The following RAD54L2 variants were observed in gnomAD, a reference collection of about 807,000 sequenced individuals.
RAD54L2 encodes RAD54 like 2.
RAD54L2 carries 27 observed loss-of-function variants against 138.4 expected under a neutral mutation model. The observed-to-expected ratio is 0.20, with a 90% CI of 0.14 to 0.27. The LOEUF is 0.27. RAD54L2 is among the 10% of genes least tolerant of loss of function. The pLI, the probability that RAD54L2 is intolerant of heterozygous loss-of-function variation, is 1.00. For synonymous variants in RAD54L2, 644 were observed against 723.2 expected (o/e 0.89, Z 1.76); for missense variants, 1,396 against 1,890.2 (o/e 0.74, Z 4.85).
chr3:51,556,893 C>T (rs1042101129), intron 2 of RAD54L2, among the ~76,000 whole-genome samples: 8 of 151,892 alleles, frequency 5.3e-5, no homozygotes, highest in Non-Finnish European at 8.8e-5. Context: ...TCTCTTAATC[C>T]TTTGTTGTCT....
At chr3:51,635,361 A>G (rs770768332) in intron 9 of RAD54L2, among the ~76,000 whole-genome samples, 4 of 152,206 alleles carry the variant, frequency 2.6e-5, no homozygotes, top group Non-Finnish European at 5.9e-5. Flanking sequence ...TTTAACCACC[A>G]TCAATGATCC....
chr3:51,574,915 C>T (rs1373102330), intron 2 of RAD54L2, among the ~76,000 whole-genome samples: 2 of 152,166 alleles, frequency 1.3e-5, no homozygotes, highest in Non-Finnish European at 2.9e-5. Context: ...TCATGAAATC[C>T]TTGCCCATGC....
chr3:51,631,167 G>A (rs1240574423), intron 7 of RAD54L2, among the ~76,000 whole-genome samples: 1 of 152,180 alleles, frequency 6.6e-6, no homozygotes, highest in Non-Finnish European at 1.5e-5. Context: ...GCCCTACTCC[G>A]TAGAAAGCAC....
In RAD54L2 at chr3:51,656,074, G is replaced by A. The variant is rs894369801; in HGVS notation, c.3130G>A (p.Val1044Ile). Residue 1044 changes from valine to isoleucine, a missense_variant, in exon 20 of 23, where the codon GTA becomes ATA. Around this residue, in one of 7 missense-constraint regions of RAD54L2, gnomAD observed 634 missense variants for 711.2 expected, o/e 0.89. Transcript: ENST00000684192. ...CCGGCATGTCCCATTGGGAGGAAGT[G>A]TAAGCTCTGCCTCCAGCACAAATCC... ...MPRHVPLGGS[V>I]SSASSTNPSM... 2 of 1,614,002 alleles carry A rather than the reference G, an allele frequency of 1.2e-6. No homozygotes were observed. Among genetic ancestry groups the A allele is most frequent in the South Asian group, 2.2e-5 (2 of 91,086 alleles).
Position 51,630,896 on chromosome 3 carries a change from G to A in RAD54L2, c.790G>A (p.Ala264Thr), listed in dbSNP as rs781070262. 10 of 1,613,806 alleles carry A rather than the reference G, an allele frequency of 6.2e-6. No individual in the cohort carries two copies. Among genetic ancestry groups the A allele is most frequent in the Non-Finnish European group, 7.6e-6 (9 of 1,179,840 alleles). The change falls in exon 7 of 23, where the codon GCC (alanine) becomes ACC (threonine). Residue 264 changes from alanine (A) to threonine (T), a missense_variant. Physicochemically the swap from Ala to Thr is moderately conservative, Grantham distance 58. This residue lies in a region of RAD54L2 where 256 missense variants were observed against 344.6 expected (regional missense o/e 0.74). Transcript: ENST00000684192. ...TCCAGAGGAGGAAAATGTCTTCCTT[G>A]CCCCACAGTTGGCACGGGCTGTGAA... The part of the protein sequence containing the change: ...HPPEEENVFL[A>T]PQLARAVKPH...
chr3:51,603,164 C>T (rs1250331496), intron 3 of RAD54L2, among the ~76,000 whole-genome samples: 2 of 146,694 alleles, frequency 1.4e-5, no homozygotes, highest in African/African-American at 2.5e-5. Flanking sequence ...AAAAAAAAAG[C>T]CAGGCATGGT....
chr3:51,657,157 T>A (rs923157501), intron 20 of RAD54L2, among the ~76,000 whole-genome samples: 5 of 152,342 alleles, frequency 3.3e-5, no homozygotes, highest in Admixed American at 1.3e-4. Flanking sequence ...GAAAATACTG[T>A]TTCCCAGGTG....
Position 51,646,323 on chromosome 3 carries a change from G to C in RAD54L2, c.2868G>C (p.Lys956Asn). Residue 956 changes from lysine (K) to asparagine (N), a missense_variant, in exon 19 of 23, where the codon AAG becomes AAC. Lys to Asn is a moderately conservative substitution (Grantham distance 94, BLOSUM62 0). Transcript: ENST00000684192. ...ATGAGTCATTGCTCTTGAACCGAAA[G>C]GATCACAAGCTAACCAAGGCTGAGA... is the stretch of plus-strand genomic sequence containing the variant. ...FEHESLLLNR[K>N]DHKLTKAEKK... 1 of 1,603,546 alleles carries C rather than the reference G, an allele frequency of 6.2e-7. No homozygotes were observed. The highest frequency in any genetic ancestry group is 8.5e-7 in the Non-Finnish European group (1 of 1,175,248).
At chr3:51,597,777 G>T (rs1402193512) in intron 3 of RAD54L2, among the ~76,000 whole-genome samples, 1 of 151,978 alleles carries the variant, frequency 6.6e-6, no homozygotes, top group South Asian at 2.1e-4. Flanking sequence ...GCAGCGAGCC[G>T]AGATCGTGCC....
chr3:51,586,315 G>A (rs1699708259), intron 2 of RAD54L2, among the ~76,000 whole-genome samples: 1 of 151,952 alleles, frequency 6.6e-6, no homozygotes, highest in African/African-American at 2.4e-5. Flanking sequence ...TATGGGCATC[G>A]CTGTGTTGCC....
chr3:51,645,282 T>G lies in RAD54L2; in HGVS notation c.2656+53T>G. On this transcript the variant is annotated intron_variant, in intron 17 of 22. Coordinates refer to ENST00000684192, the MANE Select transcript of RAD54L2 (RefSeq NM_015106.4). The surrounding 1 kb of genome is among the most constrained non-coding windows in gnomAD (Gnocchi z 6.1). ...GCACATCTATACAGGCTACCATCCT[T>G]TTAGTATCAAGGGTGGGAGAGGAGC... is the stretch of plus-strand genomic sequence containing the variant. 1.3e-6 allele frequency: 2 copies of G among 1,505,166 alleles called. No individual in the cohort carries two copies. Among genetic ancestry groups the G allele is most frequent in the Non-Finnish European group, 1.8e-6 (2 of 1,098,836 alleles). 93.2% of individuals were successfully genotyped at this position (1,505,166 alleles called of 1,614,324 possible).
In RAD54L2 at chr3:51,662,676, C is replaced by A; in HGVS notation, c.3660C>A (p.Leu1220=). 6.2e-7 allele frequency: 1 copy of A among 1,613,776 alleles called. No homozygotes were observed. Among genetic ancestry groups the A allele is most frequent in the Non-Finnish European group, 8.5e-7 (1 of 1,179,826 alleles). The part of the protein sequence containing the change: ...MDSSAVPGTA[L]GTEPRLGGHC... ...GCAGTGCTGTTCCCGGGACAGCTCT[C>A]GGAACTGAGCCTCGACTAGGGGGTC... is the stretch of plus-strand genomic sequence containing the variant. The change falls in exon 23 of 23, where the codon CTC becomes CTA. Residue 1220 remains leucine (L), a synonymous_variant. Transcript: ENST00000684192. This position sits in a 1 kb window ranked among gnomAD's most constrained non-coding sequence, Gnocchi z 4.6.
In RAD54L2 at chr3:51,633,964, C is replaced by A. The variant is rs752584384; in HGVS notation, c.1071C>A (p.Leu357=). ...TGTGGCTTCCACCTCCTGAAGCCCT[C>A]CCGGCTGACAACAAGCCTGAAGAAG... The part of the protein sequence containing the change: ...FNMWLPPPEA[L]PADNKPEEVQ... Residue 357 remains leucine (L), a synonymous_variant, in exon 9 of 23, where the codon CTC becomes CTA. Transcript: ENST00000684192. The A allele has an allele frequency of 3.7e-6, 6 of 1,613,926 alleles. No individual in the cohort carries two copies. Among genetic ancestry groups the A allele is most frequent in the Non-Finnish European group, 5.1e-6 (6 of 1,179,804 alleles).
chr3:51,618,831 T>C (rs1393578490), intron 3 of RAD54L2, among the ~76,000 whole-genome samples: 1 of 152,188 alleles, frequency 6.6e-6, no homozygotes, highest in Non-Finnish European at 1.5e-5. Context: ...ATATCTTCTA[T>C]CCCACATGGT....
chr3:51,635,451 C>T, intron 9 of RAD54L2, 142 bp from the exon 10 acceptor site: 1 of 938,656 alleles, frequency 1.1e-6, no homozygotes, highest in Non-Finnish European at 1.5e-6. Flanking sequence ...CTTGCTGCCA[C>T]ATGAAATCTT....
chr3:51,550,832 A>C (rs1698816573), intron 2 of RAD54L2, among the ~76,000 whole-genome samples: 1 of 152,176 alleles, frequency 6.6e-6, no homozygotes, highest in Admixed American at 6.5e-5. Context: ...AGATCATTTT[A>C]GGCCAGGAAT....
intron 3 of RAD54L2, among the ~76,000 whole-genome samples, chr3:51,597,105 C>T (rs1699976471): frequency 7.3e-6 from 1 of 137,282 alleles, no homozygotes; most frequent in Non-Finnish European, 1.5e-5. Context: ...GCGGAGGTTA[C>T]AGTGAGCCGA....
At chr3:51,592,632 T>C (rs1699863744) in intron 3 of RAD54L2, among the ~76,000 whole-genome samples, 1 of 151,594 alleles carries the variant, frequency 6.6e-6, no homozygotes. Context: ...TGGAGTGCAA[T>C]GGCGCGATCT....
At chr3:51,603,916 T>A (rs1467961837) in intron 3 of RAD54L2, among the ~76,000 whole-genome samples, 1 of 151,984 alleles carries the variant, frequency 6.6e-6, no homozygotes, top group Non-Finnish European at 1.5e-5. Context: ...GGCAGAGGAG[T>A]GACACAATCT....
Sources: gnomAD v4.1 joint callset for allele counts (sites outside exome capture counted in the v4.1 genomes callset) on GRCh38, gnomAD v4.1.1 for gene constraint, gnomAD v4.1.1 regional missense constraint, Gnocchi (gnomAD v3.1) non-coding constraint, MANE v1.5 for transcripts, NCBI Gene and HGNC (gene_info 2026-07-23, HGNC 2026-07-21) for gene names.